The following EIF4G3 variants were observed in gnomAD, a reference collection of about 807,000 sequenced individuals.
EIF4G3 encodes the protein eIF-4-gamma 3.
In EIF4G3, 34 loss-of-function variants were observed where a neutral mutation model predicts 186.4. That is an observed-to-expected ratio of 0.18 (90% CI 0.14 to 0.24). The LOEUF is 0.24. Among genes scored for constraint, EIF4G3 ranks in the 10% least tolerant of loss-of-function variants. EIF4G3 has a pLI of 1.00. For synonymous variants in EIF4G3, 673 were observed against 679.5 expected (o/e 0.99, Z 0.15); for missense variants, 1,536 against 1,948.5 (o/e 0.79, Z 3.99).
intron 2 of EIF4G3, among the ~76,000 whole-genome samples, chr1:21,095,711 G>A (rs1477523543): frequency 6.6e-6 from 1 of 151,912 alleles, no homozygotes; most frequent in African/African-American, 2.4e-5. Flanking sequence ...TCAGATACAA[G>A]TCAGCACATA....
chr1:21,018,296 G>C (rs1369546645), intron 4 of EIF4G3, among the ~76,000 whole-genome samples: 1 of 152,024 alleles, frequency 6.6e-6, no homozygotes, highest in Non-Finnish European at 1.5e-5. Flanking sequence ...AAATGGTTAA[G>C]GTGAGCCGGG....
intron 20 of EIF4G3, among the ~76,000 whole-genome samples, chr1:20,871,492 T>TG (rs746534461): frequency 3.3e-5 from 5 of 152,228 alleles, no homozygotes; most frequent in Non-Finnish European, 7.3e-5. Context: ...GACTCCCAGA[T>TG]ACTAGTTCAA....
chr1:20,850,986 G>T (rs560629062), intron 28 of EIF4G3, among the ~76,000 whole-genome samples: 1 of 152,140 alleles, frequency 6.6e-6, no homozygotes, highest in Admixed American at 6.6e-5. Context: ...ACAGGGACTT[G>T]TAAGAAATTC....
At chr1:20,877,323 GAGGCA>G (rs2081164284) in intron 20 of EIF4G3, among the ~76,000 whole-genome samples, 1 of 152,166 alleles carries the variant, frequency 6.6e-6, no homozygotes, top group Admixed American at 6.5e-5. Flanking sequence ...GGCACATCAG[GAGGCA>G]CTATGGCAAG....
intron 20 of EIF4G3, among the ~76,000 whole-genome samples, chr1:20,871,726 C>T (rs2079241942): frequency 6.6e-6 from 1 of 152,208 alleles, no homozygotes; most frequent in East Asian, 1.9e-4. Context: ...GAAACACATA[C>T]TAACAGCTCA....
intron 14 of EIF4G3, among the ~76,000 whole-genome samples, chr1:20,911,337 G>A (rs2093162290): frequency 6.6e-6 from 1 of 152,012 alleles, no homozygotes; most frequent in Non-Finnish European, 1.5e-5. Flanking sequence ...GGAGGCTGAG[G>A]AGGGAAGACT....
intron 6 of EIF4G3, chr1:20,998,840 G>A (rs1170751504): frequency 1.9e-5 from 8 of 427,678 alleles, no homozygotes; most frequent in Non-Finnish European, 3.8e-5. Flanking sequence ...ACCATATACA[G>A]GGTTTTTATC....
chr1:21,047,805 C>G (rs1049607414), intron 4 of EIF4G3, among the ~76,000 whole-genome samples: 1 of 152,132 alleles, frequency 6.6e-6, no homozygotes, highest in East Asian at 1.9e-4. Context: ...CTAAAAAAAA[C>G]TTGAGTTTCC....
At chr1:21,052,814 C>A (rs1215382311) in intron 3 of EIF4G3, among the ~76,000 whole-genome samples, 2 of 152,226 alleles carry the variant, frequency 1.3e-5, no homozygotes, top group Non-Finnish European at 2.9e-5. Context: ...AGCTCCTAAC[C>A]GCGAGTGATC....
intron 33 of EIF4G3, among the ~76,000 whole-genome samples, chr1:20,822,588 C>CT (rs71014119): frequency 0.012 from 1,597 of 129,690 alleles, 10 homozygotes; most frequent in African/African-American, 0.019. Flanking sequence ...GTTCTAATTT[C>CT]TTTTTTTTTT....
intron 4 of EIF4G3, among the ~76,000 whole-genome samples, chr1:21,007,503 TG>T (rs1349969193): frequency 2.5e-5 from 1 of 39,284 alleles, no homozygotes; most frequent in East Asian, 7.4e-4. Context: ...ATATTCACAA[TG>T]GGCCCCTCCT....
intron 7 of EIF4G3, among the ~76,000 whole-genome samples, chr1:20,989,086 A>AGGGGAGGGGAGGGGAGG (rs2080349328): frequency 7.4e-5 from 2 of 27,128 alleles, no homozygotes; most frequent in Non-Finnish European, 1.3e-4. Context: ...GGGAGGGGAG[A>AGGGGAGGGGAGGGGAGG]GGAGAGGAGA....
chr1:20,940,030 T>G (rs561451201), intron 14 of EIF4G3, among the ~76,000 whole-genome samples: 18 of 151,946 alleles, frequency 1.2e-4, no homozygotes, highest in Non-Finnish European at 2.2e-4. Flanking sequence ...ATTTTTTTTG[T>G]ATGTCAGTGG....
At chr1:21,003,177 T>C (rs931109641) in intron 4 of EIF4G3, among the ~76,000 whole-genome samples, 3 of 149,764 alleles carry the variant, frequency 2.0e-5, no homozygotes, top group Admixed American at 6.6e-5. Flanking sequence ...TTTTCTTTTT[T>C]TTTTTTTTTT....
chr1:20,997,475 TA>T, intron 7 of EIF4G3, 125 bp downstream of exon 7: 1 of 939,456 alleles, frequency 1.1e-6, no homozygotes, highest in African/African-American at 1.6e-5. Context: ...TTATATCAGA[TA>T]AAAGCTACTC....
chr1:20,822,336 T>C (rs2062600710), intron 33 of EIF4G3, among the ~76,000 whole-genome samples: 1 of 150,936 alleles, frequency 6.6e-6, no homozygotes, highest in South Asian at 2.1e-4. Context: ...TTATCACTTT[T>C]ATCTTCTCAA....
chr1:21,097,952 T>A (rs1055287481), intron 2 of EIF4G3, among the ~76,000 whole-genome samples: 2 of 151,694 alleles, frequency 1.3e-5, no homozygotes, highest in Non-Finnish European at 1.5e-5. Context: ...AAAAAAAAAA[T>A]TGATATGACC....
intron 2 of EIF4G3, among the ~76,000 whole-genome samples, chr1:21,165,672 G>A (rs938580320): frequency 2.0e-5 from 3 of 152,134 alleles, no homozygotes; most frequent in African/African-American, 7.2e-5. Flanking sequence ...AGGGCAGGGA[G>A]AATTGGGGGA....
At chr1:20,841,137 T>C (rs902824377) in intron 29 of EIF4G3, 109 bp from the exon 30 acceptor site, 2 of 1,075,420 alleles carry the variant, frequency 1.9e-6, no homozygotes, top group Non-Finnish European at 1.3e-6. Flanking sequence ...GAAACTTCCA[T>C]GAACAGGACA....
Sources: allele counts gnomAD v4.1 joint callset (sites outside exome capture counted in the v4.1 genomes callset), GRCh38; gene constraint gnomAD v4.1.1; transcripts MANE v1.5; gene names NCBI Gene and HGNC (gene_info 2026-07-23, HGNC 2026-07-21).